NCAM2: variants seen among roughly 807,000 people sequenced by gnomAD.
The protein encoded by NCAM2 is neural cell adhesion molecule 2, also known as N-CAM-2.
Under a neutral mutation model 98.1 loss-of-function variants are expected in NCAM2, and 30 were observed. The observed-to-expected ratio is 0.31, with a 90% CI of 0.23 to 0.41. The LOEUF is 0.41. Ranked by LOEUF, NCAM2 falls within the 10% of genes least tolerant of loss-of-function variation. The pLI is 1.00. For missense variants in NCAM2, 867 were observed against 1,005.8 expected (o/e 0.86, Z 1.87); for synonymous variants, 368 against 342.4 (o/e 1.07, Z -0.83).
intron 8 of NCAM2, among the ~76,000 whole-genome samples, chr21:21,367,123 G>C (rs551730919): frequency 1.0e-3 from 156 of 152,018 alleles, no homozygotes; most frequent in African/African-American, 3.5e-3. Context: ...ATATAATTTG[G>C]CTCATTCTTT....
At chr21:21,115,270 C>T (rs975680843) in intron 1 of NCAM2, among the ~76,000 whole-genome samples, 6 of 152,068 alleles carry the variant, frequency 3.9e-5, no homozygotes, top group African/African-American at 1.2e-4. Flanking sequence ...GAGCTTTATC[C>T]AGCCTCTCCT....
intron 1 of NCAM2, among the ~76,000 whole-genome samples, chr21:21,008,894 C>T (rs2064156458): frequency 1.3e-5 from 2 of 152,130 alleles, no homozygotes; most frequent in South Asian, 2.1e-4. Flanking sequence ...CCAGTTCATT[C>T]AACAAATATT....
chr21:21,493,186 T>G (rs551750856), intron 15 of NCAM2, among the ~76,000 whole-genome samples: 1 of 152,058 alleles, frequency 6.6e-6, no homozygotes, highest in African/African-American at 2.4e-5. Flanking sequence ...ACTGCTGAAT[T>G]CTATTACATA....
chr21:21,431,445 A>G (rs1361332964), intron 11 of NCAM2, among the ~76,000 whole-genome samples: 1 of 152,082 alleles, frequency 6.6e-6, no homozygotes, highest in East Asian at 1.9e-4. Flanking sequence ...TAATTTAAGT[A>G]GTGGATGGAT....
chr21:21,216,366 C>T (rs1429021344), intron 1 of NCAM2, among the ~76,000 whole-genome samples: 1 of 152,148 alleles, frequency 6.6e-6, no homozygotes, highest in Non-Finnish European at 1.5e-5. Context: ...TCAGGGACCA[C>T]AATTAATCAC....
At chr21:21,046,719 ACTTAATT>A (rs1391777343) in intron 1 of NCAM2, among the ~76,000 whole-genome samples, 2 of 152,274 alleles carry the variant, frequency 1.3e-5, no homozygotes, top group East Asian at 3.9e-4. Context: ...GTTCAGGGAA[ACTTAATT>A]CTTACTGGTT....
chr21:21,393,998 A>G (rs2076441415), intron 9 of NCAM2, among the ~76,000 whole-genome samples: 2 of 150,110 alleles, frequency 1.3e-5, no homozygotes, highest in South Asian at 4.2e-4. Flanking sequence ...CATGAATGAA[A>G]GTCAAATTAG....
At chr21:21,339,118 G>A (rs997419727) in intron 8 of NCAM2, among the ~76,000 whole-genome samples, 18 of 151,994 alleles carry the variant, frequency 1.2e-4, no homozygotes, top group African/African-American at 2.4e-5. Flanking sequence ...CAGTCCATAG[G>A]GCAAATTTGG....
At chr21:21,179,545 TC>T (rs1446684333) in intron 1 of NCAM2, among the ~76,000 whole-genome samples, 17 of 152,198 alleles carry the variant, frequency 1.1e-4, no homozygotes, top group Non-Finnish European at 7.3e-5. Context: ...CTATAATTAA[TC>T]CCAACAGCTG....
chr21:21,263,264 A>AAAAT (rs2071992632), intron 1 of NCAM2, among the ~76,000 whole-genome samples: 2 of 152,208 alleles, frequency 1.3e-5, no homozygotes, highest in East Asian at 3.9e-4. Context: ...AACTGCCACA[A>AAAAT]AAAATAAAAT....
At chr21:21,302,486 C>A (rs2073750353) in intron 5 of NCAM2, among the ~76,000 whole-genome samples, 1 of 151,988 alleles carries the variant, frequency 6.6e-6, no homozygotes, top group African/African-American at 2.4e-5. Flanking sequence ...TGTACCAGTA[C>A]CACATTGTTT....
chr21:21,016,330 A>G (rs988649575), intron 1 of NCAM2, among the ~76,000 whole-genome samples: 3 of 152,220 alleles, frequency 2.0e-5, no homozygotes, highest in Admixed American at 2.0e-4. Flanking sequence ...TTGACAAAGA[A>G]TGCAAACAAT....
At chr21:21,408,173 G>C (rs914659716) in intron 9 of NCAM2, among the ~76,000 whole-genome samples, 1 of 152,124 alleles carries the variant, frequency 6.6e-6, no homozygotes. Flanking sequence ...AATGCTGTGG[G>C]TGCACAATTT....
At chr21:21,110,504 A>G (rs1239884052) in intron 1 of NCAM2, among the ~76,000 whole-genome samples, 1 of 151,800 alleles carries the variant, frequency 6.6e-6, no homozygotes, top group East Asian at 2.0e-4. Context: ...CTCTACATAT[A>G]AAGATACAAT....
chr21:21,310,838 A>G (rs2074026394), intron 5 of NCAM2, among the ~76,000 whole-genome samples: 1 of 151,926 alleles, frequency 6.6e-6, no homozygotes, highest in African/African-American at 2.4e-5. Context: ...TCCTCTTTCA[A>G]CCTCTAAACT....
intron 17 of NCAM2, among the ~76,000 whole-genome samples, chr21:21,537,483 AT>A (rs1306773764): frequency 6.6e-6 from 1 of 152,186 alleles, no homozygotes; most frequent in Non-Finnish European, 1.5e-5. Context: ...ATGTAATTAT[AT>A]TTTGGAGATC....
intron 3 of NCAM2, 36 bp from the exon 4 acceptor site, chr21:21,286,233 T>C (rs770264064): frequency 3.3e-6 from 5 of 1,537,946 alleles, no homozygotes; most frequent in African/African-American, 2.8e-5. Flanking sequence ...CTTTTGTGAT[T>C]TGTGATTTGT....
At chr21:21,449,549 T>G (rs1980708733) in intron 12 of NCAM2, among the ~76,000 whole-genome samples, 2 of 152,064 alleles carry the variant, frequency 1.3e-5, no homozygotes, top group South Asian at 4.1e-4. Context: ...ATAGCGCATT[T>G]TAGATGACAT....
At chr21:21,015,274 T>C (rs1301573267) in intron 1 of NCAM2, among the ~76,000 whole-genome samples, 1 of 152,190 alleles carries the variant, frequency 6.6e-6, no homozygotes, top group Non-Finnish European at 1.5e-5. Flanking sequence ...GATCAAACAA[T>C]ATTGCATGCT....
Sources: gnomAD v4.1 joint callset for allele counts (sites outside exome capture counted in the v4.1 genomes callset) on GRCh38, gnomAD v4.1.1 for gene constraint, MANE v1.5 for transcripts, NCBI Gene and HGNC (gene_info 2026-07-23, HGNC 2026-07-21) for gene names.